The following FGF14 variants were observed in gnomAD, a reference collection of about 807,000 sequenced individuals.
FGF14 encodes fibroblast growth factor homologous factor 4.
Under a neutral mutation model 25.5 loss-of-function variants are expected in FGF14, and 5 were observed. The ratio of observed to expected loss-of-function variants is 0.20; its 90% CI spans 0.10 to 0.41. The LOEUF is 0.41. Ranked by LOEUF, FGF14 falls within the 10% of genes least tolerant of loss-of-function variation. The pLI, the probability that FGF14 is intolerant of heterozygous loss-of-function variation, is 1.00. For missense variants in FGF14, 222 were observed against 320.1 expected (o/e 0.69, Z 2.34); for synonymous variants, 138 against 118.3 (o/e 1.17, Z -1.08).
chr13:101,880,439 C>A (rs912118161), intron 1 of FGF14, among the ~76,000 whole-genome samples: 1 of 152,042 alleles, frequency 6.6e-6, no homozygotes, highest in African/African-American at 2.4e-5. Flanking sequence ...TGGTGGCACA[C>A]GCTTGTAATC....
At chr13:101,912,712 CT>C (rs2033071815) in intron 1 of FGF14, among the ~76,000 whole-genome samples, 1 of 151,582 alleles carries the variant, frequency 6.6e-6, no homozygotes, top group Non-Finnish European at 1.5e-5. Flanking sequence ...CTCTAATTCT[CT>C]TAAAAAAAGA....
intron 3 of FGF14, among the ~76,000 whole-genome samples, chr13:101,786,723 C>T (rs997807960): frequency 1.3e-5 from 2 of 152,100 alleles, no homozygotes; most frequent in African/African-American, 2.4e-5. Flanking sequence ...GTTAGGACTC[C>T]AACATACCCT....
In FGF14 at chr13:101,726,601, A is replaced by G. The variant is rs759481065; in HGVS notation, c.607+11T>C. 6.2e-7 allele frequency: 1 copy of G among 1,612,194 alleles called. No homozygotes were observed. The highest frequency in any genetic ancestry group is 8.5e-7 in the Non-Finnish European group (1 of 1,178,512). Reference sequence around the variant, plus strand: ...AAGTCTATGTAATAATAATGCATGCATAATACTCACCTTCCAATGGCTTGG... The same window carrying G: ...AAGTCTATGTAATAATAATGCATGCGTAATACTCACCTTCCAATGGCTTGG... On this transcript the variant is annotated intron_variant, in intron 4 of 4. Transcript: ENST00000376143.
chr13:102,123,690 A>G (rs1307409284), intron 1 of FGF14, among the ~76,000 whole-genome samples: 1 of 152,136 alleles, frequency 6.6e-6, no homozygotes, highest in Admixed American at 6.5e-5. Context: ...TATTAGAGAT[A>G]GCGGATATCA....
At chr13:102,329,404 G>A (rs1049867086) in intron 1 of FGF14, among the ~76,000 whole-genome samples, 1 of 152,050 alleles carries the variant, frequency 6.6e-6, no homozygotes, top group East Asian at 1.9e-4. Flanking sequence ...CCTCCCGAAA[G>A]ACCTATAGCT....
chr13:102,022,243 C>CA (rs1343356862), intron 1 of FGF14, among the ~76,000 whole-genome samples: 2 of 151,856 alleles, frequency 1.3e-5, no homozygotes, highest in African/African-American at 2.4e-5. Flanking sequence ...ACTGGAACTC[C>CA]AAAAAAATGA....
chr13:101,988,352 C>T (rs570665849), intron 1 of FGF14, among the ~76,000 whole-genome samples: 1 of 151,950 alleles, frequency 6.6e-6, no homozygotes, highest in Admixed American at 6.6e-5. Context: ...CTGGCTAGCA[C>T]CATGGATAGC....
At position 101,712,998 on chromosome 13, in the gene FGF14, AC is replaced by A. The variant is rs1170697288; in HGVS notation, c.*9832del. The A allele has an allele frequency of 3.3e-5, 5 of 152,172 alleles. No homozygotes were observed. The highest frequency in any genetic ancestry group is 1.2e-4 in the African/African-American group (5 of 41,446). The allele number at this position is 152,172 out of a possible 1,614,324, so 9.4% of individuals were successfully genotyped here. On this transcript the variant is annotated 3_prime_UTR_variant, in exon 5 of 5. Transcript: ENST00000376143. ...CTCAAGAGCATGCAAATCAACCTGGACCCTCAGGAAAACAAGTCAAGACTAA... is the reference window on the plus strand; with the variant it reads ...CTCAAGAGCATGCAAATCAACCTGGACCTCAGGAAAACAAGTCAAGACTAA...
At chr13:101,971,511 T>C (rs984440333) in intron 1 of FGF14, among the ~76,000 whole-genome samples, 1 of 151,938 alleles carries the variant, frequency 6.6e-6, no homozygotes, top group Admixed American at 6.6e-5. Context: ...GCTGGGACAA[T>C]AGGCAAGCAC....
intron 1 of FGF14, among the ~76,000 whole-genome samples, chr13:102,380,426 T>C (rs1454698731): frequency 6.6e-6 from 1 of 152,182 alleles, no homozygotes; most frequent in Admixed American, 6.6e-5. Flanking sequence ...TCCCTTTTGC[T>C]ATCTAGTTAA....
intron 1 of FGF14, among the ~76,000 whole-genome samples, chr13:102,305,685 T>A (rs537273632): frequency 4.9e-4 from 74 of 152,186 alleles, no homozygotes; most frequent in Non-Finnish European, 9.1e-4. Flanking sequence ...ATTTTTCTTC[T>A]TCCTGATTTA....
In FGF14 at chr13:102,291,985, G is replaced by A. The variant is rs560469244; in HGVS notation, c.208+109486C>T. On this transcript the variant is annotated intron_variant, in intron 1 of 4. Coordinates refer to the FGF14 transcript ENST00000376131. The stretch of plus-strand genomic sequence containing the variant: ...AAATGCTTGAGAGTCGCTGCAGTGA[G>A]TCAGCACATTAATGCTGACTCCACA... 5.9e-5 allele frequency among the ~76,000 whole-genome samples: 9 copies of A among 152,184 alleles called. No homozygotes were observed. In the South Asian group the frequency reaches 1.9e-3, roughly 32 times the overall value.
chr13:102,161,875 T>TATATGGACCTA (rs2047792444), intron 1 of FGF14, among the ~76,000 whole-genome samples: 1 of 151,276 alleles, frequency 6.6e-6, no homozygotes, highest in African/African-American at 2.4e-5. Context: ...CATTGCTCAC[T>TATATGGACCTA]ATATGGACCT....
chr13:101,857,004 C>T (rs773263944), intron 3 of FGF14, among the ~76,000 whole-genome samples: 2 of 151,874 alleles, frequency 1.3e-5, no homozygotes, highest in African/African-American at 2.4e-5. Context: ...TTTACATTAA[C>T]GGGGAGTCAT....
At chr13:102,388,792 T>G (rs1263385089) in intron 1 of FGF14, among the ~76,000 whole-genome samples, 1 of 152,200 alleles carries the variant, frequency 6.6e-6, no homozygotes, top group Non-Finnish European at 1.5e-5. Context: ...ACAACCCAAT[T>G]ATAATTGAGC....
At chr13:101,857,773 A>G (rs2044201443) in intron 3 of FGF14, among the ~76,000 whole-genome samples, 1 of 152,030 alleles carries the variant, frequency 6.6e-6, no homozygotes, top group South Asian at 2.1e-4. Flanking sequence ...TGGACAGGTC[A>G]TATTACCATA....
chr13:102,020,908 G>A (rs1169331637), intron 1 of FGF14, among the ~76,000 whole-genome samples: 3 of 141,414 alleles, frequency 2.1e-5, no homozygotes, highest in Admixed American at 1.5e-4. Context: ...ATAAGATGTC[G>A]ATGAACACAG....
rs899392206 is a variant in FGF14 at position 101,715,815 on chromosome 13, T to C, written c.*7016A>G. On this transcript the variant is annotated 3_prime_UTR_variant, in exon 5 of 5. Transcript: ENST00000376143. ...ATGAAATCCGAGTACCTATTAGAAATGAGTTATGCAAATTTAGATGCAAAT... is the reference window on the plus strand; with the variant it reads ...ATGAAATCCGAGTACCTATTAGAAACGAGTTATGCAAATTTAGATGCAAAT... 6.1e-6 allele frequency: 3 copies of C among 494,214 alleles called. No homozygotes were observed. The highest frequency in any genetic ancestry group is 5.9e-5 in the African/African-American group (3 of 50,804). 30.6% of individuals were successfully genotyped at this position (494,214 alleles called of 1,614,324 possible).
intron 1 of FGF14, among the ~76,000 whole-genome samples, chr13:102,212,669 T>C (rs142016126): frequency 6.6e-6 from 1 of 152,344 alleles, no homozygotes; most frequent in African/African-American, 2.4e-5. Flanking sequence ...ATTATGATTC[T>C]AACATTATTA....
Sources: gnomAD v4.1 joint callset for allele counts (sites outside exome capture counted in the v4.1 genomes callset) on GRCh38, gnomAD v4.1.1 for gene constraint, MANE v1.5 for transcripts, NCBI Gene and HGNC (gene_info 2026-07-23, HGNC 2026-07-21) for gene names.